The following CDC14A variants were observed in gnomAD, a reference collection of about 807,000 sequenced individuals.
CDC14A encodes dual specificity protein phosphatase CDC14A.
CDC14A carries 53 observed loss-of-function variants against 74.4 expected under a neutral mutation model. That is an observed-to-expected ratio of 0.71 (90% CI 0.57 to 0.89). The LOEUF (loss-of-function observed/expected upper bound fraction) is 0.89. Among genes scored for constraint, CDC14A ranks in the 40% least tolerant of loss-of-function variants. The probability of loss-of-function intolerance (pLI) is 0.00; values close to 1 mark genes in which losing one functional copy is unlikely to be tolerated. For synonymous variants in CDC14A, 247 were observed against 258.4 expected, an observed-to-expected ratio of 0.96 and a Z score of 0.43; for missense variants, 646 against 713.7, an observed-to-expected ratio of 0.91 and a Z score of 1.08.
intron 4 of CDC14A, among the ~76,000 whole-genome samples, chr1:100,420,210 G>A (rs1474597045): frequency 3.8e-5 from 5 of 130,386 alleles, no homozygotes; most frequent in Non-Finnish European, 6.3e-5. Flanking sequence ...AATGTCCCCA[G>A]AGAAAGATCA....
chr1:100,502,599 C>A (rs1571355072), intron 15 of CDC14A, among the ~76,000 whole-genome samples: 1 of 152,196 alleles, frequency 6.6e-6, no homozygotes, highest in East Asian at 1.9e-4. Context: ...ATGTAAATAC[C>A]TTGCAGATTA....
At position 100,518,441 on chromosome 1, in the gene CDC14A, A is replaced by T; in HGVS notation, c.*161A>T. On this transcript the variant is annotated 3_prime_UTR_variant, in exon 16 of 16. Coordinates refer to ENST00000336454, the MANE Select transcript of CDC14A (RefSeq NM_003672.4). Reference sequence around the variant, plus strand: ...GATAACACCTTCAAGAGACTTGAAAACAGAAAACTGGTTAATGACTACTAT... The same window carrying T: ...GATAACACCTTCAAGAGACTTGAAATCAGAAAACTGGTTAATGACTACTAT... The T allele has an allele frequency of 1.7e-6, 1 of 577,306 alleles. No individual in the cohort carries two copies. Among genetic ancestry groups the T allele is most frequent in the East Asian group, 2.8e-5 (1 of 35,204 alleles). 35.8% of individuals were successfully genotyped at this position (577,306 alleles called of 1,614,324 possible). A position where few individuals can be genotyped will look rare whatever the true frequency, so the allele number is the denominator to read the frequency against.
At chr1:100,401,590 T>A (rs924855190) in intron 4 of CDC14A, among the ~76,000 whole-genome samples, 2 of 152,236 alleles carry the variant, frequency 1.3e-5, no homozygotes, top group Non-Finnish European at 2.9e-5. Context: ...TTGAAATTAA[T>A]ATTGTGGATA....
intron 10 of CDC14A, among the ~76,000 whole-genome samples, chr1:100,469,610 C>T (rs773398555): frequency 6.6e-6 from 1 of 152,170 alleles, no homozygotes; most frequent in Non-Finnish European, 1.5e-5. Context: ...GGTTAAAAAA[C>T]CAAATACTCC....
chr1:100,381,445 CT>C (rs1204712277), intron 3 of CDC14A, among the ~76,000 whole-genome samples: 5 of 152,150 alleles, frequency 3.3e-5, no homozygotes, highest in African/African-American at 1.2e-4. Context: ...TTTCCCAGTT[CT>C]TTTAGGCACA....
Position 100,499,017 on chromosome 1 carries a change from T to TCTAAGG in CDC14A, c.1512_1517dup (p.Lys505_Ala506dup). 1 of 1,614,154 alleles carries TCTAAGG rather than the reference T, an allele frequency of 6.2e-7. No homozygotes were observed. Among genetic ancestry groups the TCTAAGG allele is most frequent in the South Asian group, 1.1e-5 (1 of 91,086 alleles). On this transcript the variant is annotated inframe_insertion, in exon 15 of 16. Transcript: ENST00000336454. The stretch of plus-strand genomic sequence containing the variant: ...AGAGAACAAAAAGACCTCCTCATCC[T>TCTAAGG]CTAAGGCAGGCTTCACAGCCAGCCC...
At chr1:100,513,900 T>G (rs1372335785) in intron 15 of CDC14A, among the ~76,000 whole-genome samples, 6 of 152,134 alleles carry the variant, frequency 3.9e-5, no homozygotes, top group Non-Finnish European at 8.8e-5. Context: ...AGCTTATATT[T>G]TGACATAAAA....
chr1:100,478,273 A>G (rs1669118820), intron 10 of CDC14A, among the ~76,000 whole-genome samples: 1 of 152,058 alleles, frequency 6.6e-6, no homozygotes, highest in South Asian at 2.1e-4. Context: ...CTTTAGAAGT[A>G]TAAAGGTGGA....
At chr1:100,443,040 A>C (rs746331178) in intron 7 of CDC14A, 44 bp downstream of exon 7, 3 of 1,327,662 alleles carry the variant, frequency 2.3e-6, no homozygotes, top group Non-Finnish European at 3.2e-6. Context: ...TTTCATGTTG[A>C]TTAATTTTTT....
In CDC14A at chr1:100,504,794, CT is replaced by C. The variant is rs756639223; in HGVS notation, c.1755+5534del. The stretch of plus-strand genomic sequence containing the variant: ...CACCAGCATTTACCTTGCTTATTCT[CT>C]TGTTTTCTTCTCCCACAGTGTTCAT... On this transcript the variant is annotated intron_variant, in intron 15 of 15. Coordinates refer to ENST00000336454, the MANE Select transcript of CDC14A (RefSeq NM_003672.4). 2.2e-5 allele frequency: 33 copies of C among 1,528,432 alleles called. No homozygotes were observed. In the South Asian group the frequency reaches 3.7e-4, roughly 17 times the overall value. The allele number at this position is 1,528,432 out of a possible 1,614,324, so 94.7% of individuals were successfully genotyped here.
Position 100,518,397 on chromosome 1 carries a change from A to G in CDC14A, c.*117A>G. ...AAGAATATCTCTGCCTTCTTACCTTAAATTAAAAAGAGCACTAAGATAACA... is the reference window on the plus strand; with the variant it reads ...AAGAATATCTCTGCCTTCTTACCTTGAATTAAAAAGAGCACTAAGATAACA... On this transcript the variant is annotated 3_prime_UTR_variant, in exon 16 of 16. Coordinates refer to ENST00000336454, the MANE Select transcript of CDC14A (RefSeq NM_003672.4). The G allele has an allele frequency of 1.2e-6, 1 of 822,182 alleles. No homozygotes were observed. Among genetic ancestry groups the G allele is most frequent in the Non-Finnish European group, 2.1e-6 (1 of 485,338 alleles). The allele number at this position is 822,182 out of a possible 1,614,324, so 50.9% of individuals were successfully genotyped here. A position where few individuals can be genotyped will look rare whatever the true frequency, so the allele number is the denominator to read the frequency against.
At chr1:100,375,212 TTAGA>T (rs1311947386) in intron 2 of CDC14A, among the ~76,000 whole-genome samples, 1 of 152,122 alleles carries the variant, frequency 6.6e-6, no homozygotes, top group Admixed American at 6.5e-5. Context: ...GAGTGGAGGC[TTAGA>T]TAAAGAATAC....
In CDC14A at chr1:100,464,751, A is replaced by T. The variant is rs148575455; in HGVS notation, c.838+1870A>T. On this transcript the variant is annotated intron_variant, in intron 9 of 15. Transcript: ENST00000336454. The stretch of plus-strand genomic sequence containing the variant: ...GAAGAACTGCAAAGCTTTCATTAAA[A>T]CTCAGTGTGTTTCTTGATAGTATTT... 7.3e-4 allele frequency among the ~76,000 whole-genome samples: 111 copies of T among 151,800 alleles called. No homozygotes were observed. The East Asian group carries it at 0.016, about 22-fold the overall frequency.
At chr1:100,368,010 T>C (rs1244392545) in intron 2 of CDC14A, among the ~76,000 whole-genome samples, 1 of 152,236 alleles carries the variant, frequency 6.6e-6, no homozygotes, top group East Asian at 1.9e-4. Flanking sequence ...TTTGGAAATA[T>C]GACCCTCTTG....
At chr1:100,361,202 A>G (rs1652712071) in intron 2 of CDC14A, among the ~76,000 whole-genome samples, 3 of 152,206 alleles carry the variant, frequency 2.0e-5, no homozygotes, top group African/African-American at 7.2e-5. Context: ...GAAAAGCATA[A>G]CTTAAAACTT....
chr1:100,515,474 C>T (rs538038283), intron 15 of CDC14A, among the ~76,000 whole-genome samples: 3 of 151,436 alleles, frequency 2.0e-5, no homozygotes, highest in African/African-American at 7.3e-5. Flanking sequence ...GTTTCCGCCT[C>T]CCGGGTTCAA....
intron 4 of CDC14A, among the ~76,000 whole-genome samples, chr1:100,395,681 C>T (rs1338497679): frequency 2.0e-5 from 3 of 152,162 alleles, no homozygotes; most frequent in Non-Finnish European, 4.4e-5. Context: ...AATTAGATCA[C>T]GTCATTACCC....
At chr1:100,498,816 T>A in intron 14 of CDC14A, 113 bp from the exon 15 acceptor site, 1 of 1,384,902 alleles carries the variant, frequency 7.2e-7, no homozygotes, top group South Asian at 1.5e-5. Context: ...TTGATCAGAT[T>A]CATCTTCATC....
intron 6 of CDC14A, among the ~76,000 whole-genome samples, chr1:100,441,022 A>C (rs3767830): frequency 0.28 from 43,253 of 152,110 alleles, 8,457 homozygotes; most frequent in African/African-American, 0.56. Context: ...AACATATAAC[A>C]GTTGATTATA....
Sources: allele counts gnomAD v4.1 joint callset (sites outside exome capture counted in the v4.1 genomes callset), GRCh38; gene constraint gnomAD v4.1.1; transcripts MANE v1.5; gene names NCBI Gene and HGNC (gene_info 2026-07-23, HGNC 2026-07-21).